The following CRK variants were observed in gnomAD, a reference collection of about 807,000 sequenced individuals.
CRK encodes CRK proto-oncogene, adaptor protein, also known as adapter molecule crk.
A neutral mutation model predicts 29.8 loss-of-function variants in CRK; 4 were observed. The observed-to-expected ratio is 0.13, with a 90% CI of 0.07 to 0.31. CRK has a LOEUF of 0.31. Among genes scored for constraint, CRK ranks in the 10% least tolerant of loss-of-function variants. CRK has a pLI of 1.00. For synonymous variants in CRK, 153 were observed against 164.9 expected, an observed-to-expected ratio of 0.93 and a Z score of 0.55; for missense variants, 274 against 396.5, an observed-to-expected ratio of 0.69 and a Z score of 2.62.
chr17:1,432,476 T>TAAAAAA (rs59669841), intron 2 of CRK, among the ~76,000 whole-genome samples: 19 of 100,930 alleles, frequency 1.9e-4, no homozygotes, highest in African/African-American at 6.7e-4. Context: ...GACCTTGTCT[T>TAAAAAA]AAAAAAAAAA....
intron 1 of CRK, among the ~76,000 whole-genome samples, chr17:1,455,414 G>A (rs1015463349): frequency 1.3e-5 from 2 of 152,188 alleles, no homozygotes; most frequent in Non-Finnish European, 1.5e-5. Flanking sequence ...TCCTACCAAA[G>A]GCCACCAGGG....
intron 1 of CRK, among the ~76,000 whole-genome samples, chr17:1,444,588 G>A (rs938563907): frequency 1.1e-5 from 1 of 89,054 alleles, no homozygotes; most frequent in African/African-American, 6.1e-5. Context: ...ACTTTGGGAA[G>A]CCGAAGCGGG....
At position 1,427,822 on chromosome 17, in the gene CRK, A is replaced by C. The variant is rs1048241421; in HGVS notation, c.778-4172T>G. Among the ~76,000 whole-genome samples, 8 of 151,598 alleles carry C rather than the reference A, an allele frequency of 5.3e-5. 1 individual carries two copies. In the East Asian group the frequency reaches 6.0e-4, roughly 11 times the overall value. On this transcript the variant is annotated intron_variant, in intron 2 of 2. Transcript: ENST00000300574. Reference sequence around the variant, plus strand: ...TACTTTTTTCGTATTTTTAGTAGAGACGGGGTCTCACCATGCTGGGCAGGC... The same window carrying C: ...TACTTTTTTCGTATTTTTAGTAGAGCCGGGGTCTCACCATGCTGGGCAGGC...
In CRK at chr17:1,422,188, G is replaced by C. The variant is rs1164126566; in HGVS notation, c.*1325C>G. ...TTTCCTTTTTTTTTTTTTTGAGACT[G>C]AGTCTTGCCCTGTCGCTCAGGCTGG... is the stretch of plus-strand genomic sequence containing the variant. On this transcript the variant is annotated 3_prime_UTR_variant, in exon 3 of 3. Transcript: ENST00000300574. The C allele has an allele frequency of 8.1e-6, 1 of 124,156 alleles. No individual in the cohort carries two copies. The highest frequency in any genetic ancestry group is 1.6e-5 in the Non-Finnish European group (1 of 61,550). The allele number at this position is 124,156 out of a possible 1,614,324, so 7.7% of individuals were successfully genotyped here.
At chr17:1,449,188 C>A (rs948094454) in intron 1 of CRK, among the ~76,000 whole-genome samples, 1 of 152,102 alleles carries the variant, frequency 6.6e-6, no homozygotes, top group Non-Finnish European at 1.5e-5. Flanking sequence ...CGCAACAGGT[C>A]GGATGAGCAG....
intron 1 of CRK, among the ~76,000 whole-genome samples, chr17:1,446,698 T>C (rs2150911505): frequency 6.6e-6 from 1 of 150,476 alleles, no homozygotes; most frequent in Admixed American, 6.8e-5. Context: ...TTCACGCCAT[T>C]CTCCTGCCTC....
chr17:1,424,923 T>A (rs7220504), intron 2 of CRK: 105,480 of 151,194 alleles, frequency 0.7, 37,136 homozygotes, highest in African/African-American at 0.76. Context: ...CTGAGGTGGG[T>A]GGACTGCTTG....
chr17:1,451,316 T>C (rs7210793), intron 1 of CRK, among the ~76,000 whole-genome samples: 114,466 of 151,498 alleles, frequency 0.76, 43,893 homozygotes, highest in African/African-American at 0.89. Context: ...CTGCAACCTC[T>C]GCCTCCGGGG....
chr17:1,432,262 G>C (rs1195686789), intron 2 of CRK, among the ~76,000 whole-genome samples: 3 of 152,050 alleles, frequency 2.0e-5, no homozygotes, highest in Non-Finnish European at 4.4e-5. Flanking sequence ...GCTGAGGCAG[G>C]CGGATCGCTT....
intron 1 of CRK, among the ~76,000 whole-genome samples, chr17:1,446,111 G>A (rs956100238): frequency 3.9e-5 from 6 of 152,104 alleles, no homozygotes; most frequent in African/African-American, 7.2e-5. Context: ...AAGAAGCTAA[G>A]CACAATGCCT....
chr17:1,450,374 G>C (rs964977923), intron 1 of CRK, among the ~76,000 whole-genome samples: 7 of 151,898 alleles, frequency 4.6e-5, no homozygotes, highest in African/African-American at 1.7e-4. Flanking sequence ...GGGCATAGTG[G>C]CGGGCGCCTG....
chr17:1,429,198 C>CTT (rs995283208), intron 2 of CRK, among the ~76,000 whole-genome samples: 14 of 149,598 alleles, frequency 9.4e-5, no homozygotes, highest in Non-Finnish European at 1.3e-4. Context: ...AAATCTAAAA[C>CTT]TTTTTTTTTT....
At chr17:1,436,597 T>C (rs1184030388) in intron 2 of CRK, 23 bp downstream of exon 2, 6 of 1,572,908 alleles carry the variant, frequency 3.8e-6, no homozygotes, top group East Asian at 2.2e-5. Context: ...ATCTCTTCTT[T>C]CTACATTGTG....
At chr17:1,438,378 C>T (rs983484885) in intron 1 of CRK, among the ~76,000 whole-genome samples, 4 of 152,098 alleles carry the variant, frequency 2.6e-5, no homozygotes, top group African/African-American at 9.7e-5. Flanking sequence ...AATCCTTCGG[C>T]CTCAACCTTC....
intron 1 of CRK, among the ~76,000 whole-genome samples, chr17:1,449,179 G>A (rs533884961): frequency 1.3e-5 from 2 of 151,990 alleles, no homozygotes; most frequent in Admixed American, 1.3e-4. Flanking sequence ...ACCCACTAGC[G>A]CAACAGGTCG....
chr17:1,427,072 A>AAAT (rs778793991), intron 2 of CRK, among the ~76,000 whole-genome samples: 1 of 92,048 alleles, frequency 1.1e-5, no homozygotes, highest in Non-Finnish European at 2.1e-5. Context: ...AAAAAAAAAA[A>AAAT]GATTCTGACA....
At position 1,422,959 on chromosome 17, in the gene CRK, C is replaced by CA; in HGVS notation, c.*553dup. On this transcript the variant is annotated 3_prime_UTR_variant, in exon 3 of 3. Coordinates refer to ENST00000300574, the MANE Select transcript of CRK (RefSeq NM_016823.4). ...GTATGAAGCATTGACTAGGAGGGAA[C>CA]AAATGCTTCTAGTAGTGTTCTTAGA... 1 of 399,012 alleles carries CA rather than the reference C, an allele frequency of 2.5e-6. No individual in the cohort carries two copies. 24.7% of individuals were successfully genotyped at this position (399,012 alleles called of 1,614,324 possible).
chr17:1,448,426 C>A (rs1305830627), intron 1 of CRK, among the ~76,000 whole-genome samples: 1 of 151,926 alleles, frequency 6.6e-6, no homozygotes, highest in African/African-American at 2.4e-5. Context: ...GAGTTCAAGA[C>A]CAGCCTGATC....
intron 1 of CRK, among the ~76,000 whole-genome samples, chr17:1,438,824 CA>C (rs1191564512): frequency 6.6e-6 from 1 of 151,544 alleles, no homozygotes; most frequent in Non-Finnish European, 1.5e-5. Context: ...CGAGTAAATT[CA>C]AACAAGAGTC....
Sources: allele counts gnomAD v4.1 joint callset (sites outside exome capture counted in the v4.1 genomes callset), GRCh38; gene constraint gnomAD v4.1.1; transcripts MANE v1.5; gene names NCBI Gene and HGNC (gene_info 2026-07-23, HGNC 2026-07-21).